ZNF331: variants seen among roughly 807,000 people sequenced by gnomAD.
ZNF331 encodes the protein C2H2-like zinc finger protein rearranged in thyroid adenomas.
ZNF331 carries 2 observed loss-of-function variants against 7.0 expected under a neutral mutation model. The observed-to-expected ratio is 0.29, with a 90% CI of 0.12 to 0.90. The LOEUF (loss-of-function observed/expected upper bound fraction) is 0.90. ZNF331 is among the 40% of genes least tolerant of loss of function. ZNF331 has a pLI of 0.58. For synonymous variants in ZNF331, 196 were observed against 205.4 expected (o/e 0.95, Z 0.39); for missense variants, 432 against 587.7 (o/e 0.74, Z 2.74).
chr19:53,570,058 C>A (rs761276344), intron 4 of ZNF331, among the ~76,000 whole-genome samples: 54 of 152,176 alleles, frequency 3.5e-4, no homozygotes, highest in South Asian at 1.7e-3. Context: ...GAGTTCAAAA[C>A]CAACCTGACC....
intron 5 of ZNF331, among the ~76,000 whole-genome samples, chr19:53,575,543 G>A (rs1380900052): frequency 4.1e-5 from 5 of 121,110 alleles, no homozygotes; most frequent in African/African-American, 6.5e-5. Context: ...TTATTCAGTC[G>A]GCTCACTGCA....
At chr19:53,548,018 C>T (rs757147905) in intron 2 of ZNF331, among the ~76,000 whole-genome samples, 10 of 152,198 alleles carry the variant, frequency 6.6e-5, no homozygotes, top group Non-Finnish European at 1.3e-4. Context: ...CATCCTCCAC[C>T]TCCTGGACCC....
the ZNF331 span, among the ~76,000 whole-genome samples, chr19:53,506,334 C>CAA: frequency 0.017 from 658 of 39,530 alleles, 31 homozygotes; most frequent in Middle Eastern, 0.04. Flanking sequence ...GACTCCGTCT[C>CAA]AAAAAAAAAA....
intron 2 of ZNF331, among the ~76,000 whole-genome samples, chr19:53,526,207 G>C (rs2708773): frequency 6.6e-6 from 1 of 151,992 alleles, no homozygotes; most frequent in East Asian, 1.9e-4. Context: ...TTTGCTTTTA[G>C]GTTTATCAAA....
upstream of ZNF331, among the ~76,000 whole-genome samples, chr19:53,515,872 T>C (rs888377516): frequency 2.6e-5 from 4 of 152,162 alleles, no homozygotes; most frequent in Admixed American, 6.5e-5. Flanking sequence ...TTATTTGCTA[T>C]GGCCAAGACA....
upstream of ZNF331, among the ~76,000 whole-genome samples, chr19:53,535,396 AC>A (rs1456047885): frequency 6.6e-6 from 1 of 152,180 alleles, no homozygotes; most frequent in Non-Finnish European, 1.5e-5. Flanking sequence ...GGCCGTAATT[AC>A]CCATATTTAT....
At chr19:53,561,484 C>G (rs1415274960) in intron 3 of ZNF331, among the ~76,000 whole-genome samples, 1 of 152,140 alleles carries the variant, frequency 6.6e-6, no homozygotes, top group East Asian at 1.9e-4. Context: ...TGCCCTTAAG[C>G]AGGTATGTGT....
chr19:53,506,179 CAA>C, the ZNF331 span, among the ~76,000 whole-genome samples: 1 of 144,284 alleles, frequency 6.9e-6, no homozygotes. Flanking sequence ...ACTAAAAATA[CAA>C]AAAATTAGCC....
chr19:53,569,740 T>G (rs2090344397), intron 4 of ZNF331, among the ~76,000 whole-genome samples: 1 of 152,156 alleles, frequency 6.6e-6, no homozygotes, highest in Non-Finnish European at 1.5e-5. Context: ...CTGATCATGT[T>G]TTCTGCGTAG....
In ZNF331 at chr19:53,573,619, C is replaced by G. The variant is rs1389359292; in HGVS notation, c.136+1889C>G. The stretch of plus-strand genomic sequence containing the variant: ...AGTAGCAGGGACCACAGGTGCACAC[C>G]ACGACACCCGGCTAATTGTTGTGTT... On this transcript the variant is annotated intron_variant, in intron 5 of 5. Transcript: ENST00000449416. This position sits in a 1 kb window ranked among gnomAD's most constrained non-coding sequence, Gnocchi z 4.2. 6.6e-6 allele frequency among the ~76,000 whole-genome samples: 1 copy of G among 151,936 alleles called. No homozygotes were observed. The highest frequency in any genetic ancestry group is 2.4e-5 in the African/African-American group (1 of 41,376).
chr19:53,547,975 G>T (rs2088729571), intron 2 of ZNF331, among the ~76,000 whole-genome samples: 1 of 152,054 alleles, frequency 6.6e-6, no homozygotes, highest in Non-Finnish European at 1.5e-5. Context: ...TGTCATCCAG[G>T]CTGGAGTGCA....
chr19:53,548,400 G>A (rs759014272), intron 2 of ZNF331, among the ~76,000 whole-genome samples: 7 of 151,732 alleles, frequency 4.6e-5, no homozygotes, highest in African/African-American at 7.3e-5. Flanking sequence ...TGTGAGCCAC[G>A]GTGCCCGGCC....
rs1261545236 is a variant in ZNF331, at chr19:53,580,004, C to T, written c.*2052C>T. ...GAAAATGTATTCAATGTCATTGCTC[C>T]TCAAGGAACTGTAGAGTAAAACCAC... On this transcript the variant is annotated 3_prime_UTR_variant, in exon 6 of 6. Transcript: ENST00000449416. 9.5e-6 allele frequency: 2 copies of T among 209,632 alleles called. No individual in the cohort carries two copies. The highest frequency in any genetic ancestry group is 1.9e-5 in the Non-Finnish European group (2 of 103,224). 13.0% of individuals were successfully genotyped at this position (209,632 alleles called of 1,614,324 possible).
Position 53,558,174 on chromosome 19 carries a change from C to A in ZNF331, c.-74+2266C>A, listed in dbSNP as rs543807311. Among the ~76,000 whole-genome samples the A allele has an allele frequency of 9.2e-5, 14 of 152,226 alleles. No individual in the cohort carries two copies. The highest frequency in any genetic ancestry group is 1.8e-4 in the Non-Finnish European group (12 of 68,006). On this transcript the variant is annotated intron_variant, in intron 3 of 5. Coordinates refer to ENST00000449416, the MANE Select transcript of ZNF331 (RefSeq NM_001079906.2). This position sits in a 1 kb window ranked among gnomAD's most constrained non-coding sequence, Gnocchi z 4.5. Reference sequence around the variant, plus strand: ...TGCCAACCCTCTACAGGTTGGGGTTCTTATACTCTTTGGCTTCTATTAGTG... The same window carrying A: ...TGCCAACCCTCTACAGGTTGGGGTTATTATACTCTTTGGCTTCTATTAGTG...
intron 3 of ZNF331, 139 bp from the exon 4 acceptor site, chr19:53,569,165 A>G (rs1048904437): frequency 1.8e-6 from 1 of 546,538 alleles, no homozygotes; most frequent in Non-Finnish European, 3.3e-6. Context: ...CTGATCCATG[A>G]TACTCTTCAC....
chr19:53,576,552 T>A (rs2147715740), intron 5 of ZNF331, 145 bp from the exon 6 acceptor site: 1 of 658,698 alleles, frequency 1.5e-6, no homozygotes, highest in East Asian at 2.7e-5. Context: ...AGAAGTAGAA[T>A]CTACATTTTA....
At chr19:53,551,256 A>G (rs971042147) in intron 2 of ZNF331, among the ~76,000 whole-genome samples, 3 of 152,250 alleles carry the variant, frequency 2.0e-5, no homozygotes, top group Admixed American at 6.5e-5. Context: ...TTAATTACCC[A>G]TAATTCCATC....
chr19:53,526,895 A>G (rs2569569), intron 2 of ZNF331, among the ~76,000 whole-genome samples: 39,718 of 151,512 alleles, frequency 0.26, 6,159 homozygotes, highest in African/African-American at 0.43. Context: ...TGATTGCATT[A>G]TAAGAAATAT....
In ZNF331 at chr19:53,529,156, G is replaced by C. The variant is rs983474693; in HGVS notation, c.-205+6472G>C. On this transcript the variant is annotated intron_variant, in intron 2 of 6. Coordinates refer to the ZNF331 transcript ENST00000253144. ...GGTGGCTCACGCCTATAATCCCAGC[G>C]CTTTGGGAGCTGAGGCGGGTGGATC... Among the ~76,000 whole-genome samples the C allele has an allele frequency of 1.9e-4, 29 of 151,980 alleles. 1 individual carries two copies.
Sources: gnomAD v4.1 joint callset for allele counts (sites outside exome capture counted in the v4.1 genomes callset) on GRCh38, gnomAD v4.1.1 for gene constraint, Gnocchi (gnomAD v3.1) non-coding constraint, MANE v1.5 for transcripts, NCBI Gene and HGNC (gene_info 2026-07-23, HGNC 2026-07-21) for gene names.